Variants in CPNE8 observed in about 807,000 individuals in gnomAD.
CPNE8 encodes copine 8, also known as copine-8.
In CPNE8, 45 loss-of-function variants were observed where a neutral mutation model predicts 81.5. The observed-to-expected ratio is 0.55, with a 90% CI of 0.44 to 0.71. The LOEUF (loss-of-function observed/expected upper bound fraction) is 0.71. CPNE8 is among the 30% of genes least tolerant of loss of function. The probability of loss-of-function intolerance (pLI) is 0.00; values close to 1 mark genes in which losing one functional copy is unlikely to be tolerated. For missense variants in CPNE8, 594 were observed against 672.1 expected, an observed-to-expected ratio of 0.88 and a Z score of 1.28; for synonymous variants, 252 against 226.3, an observed-to-expected ratio of 1.11 and a Z score of -1.02.
At chr12:38,688,005 C>T (rs895831018) in intron 15 of CPNE8, among the ~76,000 whole-genome samples, 7 of 152,174 alleles carry the variant, frequency 4.6e-5, no homozygotes, top group Admixed American at 3.9e-4. Context: ...TTTTATGGTG[C>T]TCTTTTCCCT....
At chr12:38,728,820 A>G (rs1940765350) in intron 11 of CPNE8, among the ~76,000 whole-genome samples, 1 of 152,182 alleles carries the variant, frequency 6.6e-6, no homozygotes, top group South Asian at 2.1e-4. Context: ...TGAACTCCTA[A>G]AATTACTTGT....
intron 9 of CPNE8, 122 bp from the exon 10 acceptor site, chr12:38,761,010 A>G: frequency 1.4e-6 from 1 of 723,094 alleles, no homozygotes; most frequent in East Asian, 3.0e-5. Context: ...GATTTTACAT[A>G]TGAATTTGAA....
chr12:38,767,652 T>G lies in CPNE8; in HGVS notation c.558A>C (p.Arg186=). Reference sequence around the variant, plus strand: ...AAATCTACCTGCCATCTTCATTACTTCGATAAAATACAAGGAAAGGATCTG... The same window carrying G: ...AAATCTACCTGCCATCTTCATTACTGCGATAAAATACAAGGAAAGGATCTG... ...GKSDPFLVFY[R]SNEDGSFTIC... is the part of the protein sequence containing the mutation. The change falls in exon 8 of 20, where the codon CGA becomes CGC. Residue 186 remains arginine (R), a synonymous_variant. Coordinates refer to ENST00000331366, the MANE Select transcript of CPNE8 (RefSeq NM_153634.3). 6.4e-7 allele frequency: 1 copy of G among 1,561,356 alleles called. No individual in the cohort carries two copies.
At chr12:38,889,459 G>T (rs914463637) in intron 1 of CPNE8, among the ~76,000 whole-genome samples, 1 of 152,144 alleles carries the variant, frequency 6.6e-6, no homozygotes, top group African/African-American at 2.4e-5. Context: ...TGTCTGAAGT[G>T]ACTTAGAGTT....
chr12:38,760,759 A>T (rs531491365), intron 10 of CPNE8, 88 bp downstream of exon 10: 1 of 1,040,132 alleles, frequency 9.6e-7, no homozygotes, highest in African/African-American at 1.6e-5. Flanking sequence ...GCCATCTAAA[A>T]ATTACAATTT....
chr12:38,752,706 A>T (rs920879235), intron 10 of CPNE8, among the ~76,000 whole-genome samples: 11 of 152,210 alleles, frequency 7.2e-5, no homozygotes, highest in African/African-American at 2.2e-4. Flanking sequence ...CGAAGAGTTA[A>T]CTCTAAAGGC....
At chr12:38,689,920 A>G (rs1006454820) in intron 15 of CPNE8, among the ~76,000 whole-genome samples, 1 of 152,224 alleles carries the variant, frequency 6.6e-6, no homozygotes, top group African/African-American at 2.4e-5. Flanking sequence ...TAAGTCTTGA[A>G]ATGGTAATAT....
chr12:38,679,324 A>C (rs1334590957), intron 16 of CPNE8, among the ~76,000 whole-genome samples: 2 of 151,936 alleles, frequency 1.3e-5, no homozygotes, highest in Non-Finnish European at 2.9e-5. Context: ...TACCTAAGAA[A>C]AGGAGAAGAA....
At chr12:38,884,075 A>T (rs1018447456) in intron 1 of CPNE8, among the ~76,000 whole-genome samples, 1 of 152,206 alleles carries the variant, frequency 6.6e-6, no homozygotes, top group Non-Finnish European at 1.5e-5. Context: ...TTTAAAGTGT[A>T]CAATCCAGTG....
At chr12:38,740,406 C>T (rs1296509682) in intron 10 of CPNE8, among the ~76,000 whole-genome samples, 5 of 152,140 alleles carry the variant, frequency 3.3e-5, no homozygotes, top group African/African-American at 7.2e-5. Flanking sequence ...GCCTGATTGC[C>T]GTGGCCAGAA....
At chr12:38,869,803 T>G (rs957807125) in intron 3 of CPNE8, among the ~76,000 whole-genome samples, 1 of 152,228 alleles carries the variant, frequency 6.6e-6, no homozygotes, top group African/African-American at 2.4e-5. Flanking sequence ...CATTTTCATT[T>G]TGTTTTCAAA....
intron 16 of CPNE8, among the ~76,000 whole-genome samples, chr12:38,682,321 G>A (rs1323412189): frequency 6.6e-6 from 1 of 152,216 alleles, no homozygotes; most frequent in Non-Finnish European, 1.5e-5. Context: ...ACTTTGGGAG[G>A]CCAAGGCGGG....
intron 6 of CPNE8, among the ~76,000 whole-genome samples, chr12:38,797,272 C>T (rs1034885534): frequency 1.9e-4 from 29 of 152,262 alleles, no homozygotes; most frequent in South Asian, 4.1e-4. Context: ...CCCTGACCCC[C>T]GAGCAGCCTA....
chr12:38,803,314 C>G (rs920669044), intron 6 of CPNE8, among the ~76,000 whole-genome samples: 3 of 70,320 alleles, frequency 4.3e-5, no homozygotes, highest in Non-Finnish European at 7.1e-5. Context: ...CCACCATGAT[C>G]AAGTGGGCTT....
At chr12:38,786,296 G>T (rs1468190414) in intron 6 of CPNE8, among the ~76,000 whole-genome samples, 1 of 152,212 alleles carries the variant, frequency 6.6e-6, no homozygotes, top group Admixed American at 6.5e-5. Flanking sequence ...GTGTGTGTGT[G>T]AGGGTGCTGC....
intron 6 of CPNE8, among the ~76,000 whole-genome samples, chr12:38,787,631 C>T (rs1489847448): frequency 6.6e-6 from 1 of 150,950 alleles, no homozygotes; most frequent in Non-Finnish European, 1.5e-5. Flanking sequence ...ATTGAAATTA[C>T]AAAAATACAA....
intron 5 of CPNE8, among the ~76,000 whole-genome samples, chr12:38,830,104 G>A (rs116865826): frequency 4.3e-4 from 66 of 152,166 alleles, no homozygotes; most frequent in Non-Finnish European, 8.8e-4. Flanking sequence ...ATACTATAAC[G>A]TTCATTAACA....
At chr12:38,719,268 G>T (rs1162152661) in intron 13 of CPNE8, among the ~76,000 whole-genome samples, 2 of 152,084 alleles carry the variant, frequency 1.3e-5, no homozygotes, top group Admixed American at 1.3e-4. Flanking sequence ...GACCAAGCTA[G>T]ATCTCTTTAC....
chr12:38,731,574 A>G (rs756464796), intron 10 of CPNE8, among the ~76,000 whole-genome samples: 3 of 151,866 alleles, frequency 2.0e-5, no homozygotes, highest in Admixed American at 6.6e-5. Context: ...ATATACTAAT[A>G]TTTCATGGTA....
Sources: allele counts gnomAD v4.1 joint callset (sites outside exome capture counted in the v4.1 genomes callset), GRCh38; gene constraint gnomAD v4.1.1; transcripts MANE v1.5; gene names NCBI Gene and HGNC (gene_info 2026-07-23, HGNC 2026-07-21).